The following TCERG1L variants were observed in gnomAD, a reference collection of about 807,000 sequenced individuals.
TCERG1L encodes transcription elongation regulator 1 like.
Under a neutral mutation model 56.3 loss-of-function variants are expected in TCERG1L, and 37 were observed. That is an observed-to-expected ratio of 0.66 (90% CI 0.51 to 0.87). The LOEUF (loss-of-function observed/expected upper bound fraction) is 0.87, where lower values mean the gene tolerates loss of function less well. Ranked by LOEUF, TCERG1L falls within the 40% of genes least tolerant of loss-of-function variation. The pLI is 0.00. For synonymous variants in TCERG1L, 324 were observed against 326.3 expected, an observed-to-expected ratio of 0.99 and a Z score of 0.08; for missense variants, 799 against 774.2, an observed-to-expected ratio of 1.03 and a Z score of -0.38.
chr10:131,256,426 C>T (rs12357438), intron 4 of TCERG1L, among the ~76,000 whole-genome samples: 6,604 of 152,264 alleles, frequency 0.043, 183 homozygotes, highest in Middle Eastern at 0.071. Flanking sequence ...AAGCAAAGAA[C>T]AGGTGGCAAA....
chr10:131,186,111 G>A (rs1845242571), intron 4 of TCERG1L, among the ~76,000 whole-genome samples: 1 of 152,184 alleles, frequency 6.6e-6, no homozygotes, highest in Non-Finnish European at 1.5e-5. Context: ...AGACACAAAA[G>A]GTCACCTATT....
At chr10:131,117,095 A>C (rs1423301687) in intron 8 of TCERG1L, among the ~76,000 whole-genome samples, 161 bp from the exon 9 acceptor site, 1 of 152,134 alleles carries the variant, frequency 6.6e-6, no homozygotes, top group Non-Finnish European at 1.5e-5. Flanking sequence ...AAGATGGCAC[A>C]TTTGCTCTTG....
chr10:131,237,787 T>C (rs1056638639), intron 4 of TCERG1L, among the ~76,000 whole-genome samples: 1 of 152,160 alleles, frequency 6.6e-6, no homozygotes, highest in African/African-American at 2.4e-5. Flanking sequence ...CTCCTAAATA[T>C]TTCCCTGTAG....
At chr10:131,144,923 A>C (rs1464152125) in intron 7 of TCERG1L, among the ~76,000 whole-genome samples, 1 of 152,156 alleles carries the variant, frequency 6.6e-6, no homozygotes, top group African/African-American at 2.4e-5. Flanking sequence ...CAGGTGGCCC[A>C]GTGGGGGCGT....
chr10:131,285,557 A>C, intron 3 of TCERG1L, among the ~76,000 whole-genome samples: 1 of 141,250 alleles, frequency 7.1e-6, no homozygotes, highest in Non-Finnish European at 1.6e-5. Context: ...AAAGGAAGGA[A>C]GAAAGAAAAA....
Position 131,204,606 on chromosome 10 carries a change from C to T in TCERG1L, c.857-37721G>A, listed in dbSNP as rs903817609. ...TGTGGGCTCCAGTGGGGCACGGAGC[C>T]AGCTCAGATCCAAAGGTGTGTGTCC... On this transcript the variant is annotated intron_variant, in intron 4 of 11. Transcript: ENST00000368642. 2.0e-5 allele frequency among the ~76,000 whole-genome samples: 3 copies of T among 152,220 alleles called. No individual in the cohort carries two copies. The South Asian group carries it at 6.2e-4, about 32-fold the overall frequency.
At chr10:131,244,160 G>A (rs181912742) in intron 4 of TCERG1L, among the ~76,000 whole-genome samples, 60 of 152,366 alleles carry the variant, frequency 3.9e-4, no homozygotes, top group African/African-American at 1.3e-3. Flanking sequence ...GCATCGATCG[G>A]AAGAGGCTGC....
intron 4 of TCERG1L, among the ~76,000 whole-genome samples, chr10:131,182,794 T>C (rs941410851): frequency 6.6e-6 from 1 of 152,258 alleles, no homozygotes; most frequent in Non-Finnish European, 1.5e-5. Flanking sequence ...AAATTAATAG[T>C]GCAGTTCTCA....
intron 4 of TCERG1L, among the ~76,000 whole-genome samples, chr10:131,183,503 T>G (rs1316770375): frequency 6.6e-6 from 1 of 152,208 alleles, no homozygotes; most frequent in East Asian, 1.9e-4. Context: ...AGATCTGACC[T>G]GGGGCTTCTC....
At chr10:131,199,907 C>T (rs554877143) in intron 4 of TCERG1L, among the ~76,000 whole-genome samples, 15 of 152,322 alleles carry the variant, frequency 9.8e-5, no homozygotes, top group African/African-American at 3.1e-4. Flanking sequence ...TGTGTCCCGG[C>T]GGCTGCCCTC....
At chr10:131,172,318 C>A (rs1846100954) in intron 4 of TCERG1L, among the ~76,000 whole-genome samples, 1 of 151,796 alleles carries the variant, frequency 6.6e-6, no homozygotes, top group South Asian at 2.1e-4. Context: ...GGAGGGGAAC[C>A]CAGGGAAGTG....
At chr10:131,249,826 G>A (rs975195347) in intron 4 of TCERG1L, among the ~76,000 whole-genome samples, 1 of 152,068 alleles carries the variant, frequency 6.6e-6, no homozygotes, top group Admixed American at 6.5e-5. Context: ...TTTTCAAATC[G>A]TTGCAGGGAA....
intron 3 of TCERG1L, among the ~76,000 whole-genome samples, chr10:131,289,848 GTA>G (rs1197770946): frequency 1.5e-5 from 1 of 66,308 alleles, no homozygotes; most frequent in African/African-American, 5.1e-5. Flanking sequence ...GTGTGTGTGT[GTA>G]TGTGTGCACT....
intron 6 of TCERG1L, among the ~76,000 whole-genome samples, chr10:131,150,406 A>C (rs1430069350): frequency 6.6e-6 from 1 of 152,222 alleles, no homozygotes; most frequent in Non-Finnish European, 1.5e-5. Context: ...ACTGCATTCC[A>C]CAAGCAACAG....
intron 4 of TCERG1L, among the ~76,000 whole-genome samples, chr10:131,245,685 C>A (rs955356607): frequency 1.2e-4 from 19 of 152,190 alleles, no homozygotes; most frequent in African/African-American, 4.6e-4. Context: ...GGGACCTTCC[C>A]GAGGGGCTCC....
In TCERG1L at chr10:131,238,771, G is replaced by A. The variant is rs188255667; in HGVS notation, c.856+21488C>T. Among the ~76,000 whole-genome samples, 54 of 152,288 alleles carry A rather than the reference G, an allele frequency of 3.5e-4. 1 individual carries two copies. The East Asian group carries it at 7.0e-3, about 20-fold the overall frequency. On this transcript the variant is annotated intron_variant, in intron 4 of 11. Transcript: ENST00000368642. ...GGTCCAAGCCACTTGCCCATCACGC[G>A]GGCAGAGCTGAAGGGGAAGAAGAGG...
chr10:131,302,011 TAGAC>T (rs1455676559), intron 3 of TCERG1L, among the ~76,000 whole-genome samples: 2 of 152,132 alleles, frequency 1.3e-5, no homozygotes, highest in African/African-American at 2.4e-5. Flanking sequence ...ACATTAATTT[TAGAC>T]AGAGAATTTG....
intron 4 of TCERG1L, among the ~76,000 whole-genome samples, chr10:131,183,629 T>A (rs1845204485): frequency 6.6e-6 from 1 of 152,086 alleles, no homozygotes; most frequent in South Asian, 2.1e-4. Flanking sequence ...CAGAACAAGC[T>A]CAGAATACAG....
intron 5 of TCERG1L, 38 bp from the exon 6 acceptor site, chr10:131,163,248 T>C (rs1433801026): frequency 1.4e-6 from 2 of 1,433,272 alleles, no homozygotes; most frequent in Non-Finnish European, 1.9e-6. Flanking sequence ...GCTTTTAATT[T>C]TAAACACTCA....
Sources: allele counts gnomAD v4.1 joint callset (sites outside exome capture counted in the v4.1 genomes callset), GRCh38; gene constraint gnomAD v4.1.1; transcripts MANE v1.5; gene names NCBI Gene and HGNC (gene_info 2026-07-23, HGNC 2026-07-21).